The following TENM3 variants were observed in gnomAD, a reference collection of about 807,000 sequenced individuals.
TENM3 encodes the protein teneurin-3.
In TENM3, 63 loss-of-function variants were observed where a neutral mutation model predicts 255.1. The observed-to-expected ratio is 0.25, with a 90% CI of 0.20 to 0.30. The LOEUF (loss-of-function observed/expected upper bound fraction) is 0.30, where lower values mean the gene tolerates loss of function less well. Ranked by LOEUF, TENM3 falls within the 10% of genes least tolerant of loss-of-function variation. TENM3 has a pLI of 1.00. For synonymous variants in TENM3, 1,306 were observed against 1,322.3 expected (o/e 0.99, Z 0.27); for missense variants, 2,929 against 3,461.1 (o/e 0.85, Z 3.86).
the TENM3 span, among the ~76,000 whole-genome samples, chr4:181,876,646 T>G: frequency 6.6e-6 from 1 of 152,296 alleles, no homozygotes; most frequent in East Asian, 1.9e-4. Context: ...GTGTTCTGAT[T>G]GTATATTATC....
intron 1 of TENM3, among the ~76,000 whole-genome samples, chr4:182,166,650 G>A (rs979966686): frequency 6.6e-6 from 1 of 151,722 alleles, no homozygotes; most frequent in Non-Finnish European, 1.5e-5. Context: ...TTTTTCTTTT[G>A]TGACAGAGTC....
intron 12 of TENM3, among the ~76,000 whole-genome samples, chr4:182,697,638 T>C (rs1194793663): frequency 6.6e-6 from 1 of 152,114 alleles, no homozygotes; most frequent in Non-Finnish European, 1.5e-5. Flanking sequence ...CTGATTTCGG[T>C]GTCTGTTTCT....
the TENM3 span, among the ~76,000 whole-genome samples, chr4:181,664,167 G>A: frequency 6.6e-6 from 1 of 152,110 alleles, no homozygotes; most frequent in Non-Finnish European, 1.5e-5. Flanking sequence ...TGTTAAAGGG[G>A]ATAAGAATGG....
chr4:182,090,669 C>T, the TENM3 span, among the ~76,000 whole-genome samples: 1 of 152,132 alleles, frequency 6.6e-6, no homozygotes, highest in Non-Finnish European at 1.5e-5. Flanking sequence ...CAGAGAATGA[C>T]ATTTCCCATT....
intron 2 of TENM3, among the ~76,000 whole-genome samples, chr4:182,334,748 G>A (rs1018439380): frequency 5.9e-5 from 9 of 152,068 alleles, no homozygotes; most frequent in African/African-American, 2.2e-4. Flanking sequence ...CCATCTGGAA[G>A]AATATAAAAT....
At chr4:181,894,906 G>A in the TENM3 span, among the ~76,000 whole-genome samples, 1 of 152,100 alleles carries the variant, frequency 6.6e-6, no homozygotes, top group African/African-American at 2.4e-5. Context: ...CGGGGCTGAT[G>A]TTTATAAACA....
At chr4:182,077,715 G>T in the TENM3 span, among the ~76,000 whole-genome samples, 2 of 152,186 alleles carry the variant, frequency 1.3e-5, no homozygotes, top group Admixed American at 1.3e-4. Flanking sequence ...AGAGGTTCCT[G>T]CCTTGGTGGA....
intron 3 of TENM3, among the ~76,000 whole-genome samples, chr4:182,456,023 G>A (rs1234075734): frequency 2.6e-5 from 4 of 152,078 alleles, no homozygotes; most frequent in Non-Finnish European, 5.9e-5. Context: ...TGTCTCATTC[G>A]TCCTTACATA....
intron 6 of TENM3, among the ~76,000 whole-genome samples, chr4:182,661,674 G>A (rs1479220337): frequency 6.6e-6 from 1 of 152,136 alleles, no homozygotes; most frequent in East Asian, 1.9e-4. Context: ...TGTTCTCTCA[G>A]AGATCTCAAA....
chr4:181,921,643 A>G, the TENM3 span, among the ~76,000 whole-genome samples: 2 of 152,144 alleles, frequency 1.3e-5, no homozygotes, highest in African/African-American at 2.4e-5. Flanking sequence ...GGCTGAGACA[A>G]TGGGGTTTTC....
chr4:182,198,905 A>G lies in TENM3; in HGVS notation c.-76+54151A>G, dbSNP rs114341985. 5.7e-3 allele frequency among the ~76,000 whole-genome samples: 874 copies of G among 152,348 alleles called. 11 individuals are homozygous for G. The highest frequency in any genetic ancestry group is 0.02 in the African/African-American group (834 of 41,588). On this transcript the variant is annotated intron_variant, in intron 1 of 2. Coordinates refer to the TENM3 transcript ENST00000512480. ...GAAAAGAGGATTGGGAGGCCTTCCC[A>G]TAGAAGAAGACAAAGTCAAATTATA...
chr4:181,476,207 T>TTTTTTG, the TENM3 span, among the ~76,000 whole-genome samples: 163 of 14,250 alleles, frequency 0.011, 1 homozygote, highest in Admixed American at 0.022. Flanking sequence ...ATTTTAGGGG[T>TTTTTTG]TTTTTTTTTT....
chr4:181,516,938 G>A, the TENM3 span, among the ~76,000 whole-genome samples: 85 of 152,216 alleles, frequency 5.6e-4, no homozygotes, highest in Admixed American at 1.6e-3. Flanking sequence ...CTTATCAAGT[G>A]ACAGAGTAGG....
At chr4:182,242,722 G>A (rs1379914855), upstream of TENM3, among the ~76,000 whole-genome samples, 2 of 152,102 alleles carry the variant, frequency 1.3e-5, no homozygotes, top group Non-Finnish European at 2.9e-5. Context: ...GATTGCGCCA[G>A]TGCACTCCAG....
the TENM3 span, among the ~76,000 whole-genome samples, chr4:181,613,063 C>A: frequency 6.6e-6 from 1 of 152,182 alleles, no homozygotes; most frequent in Non-Finnish European, 1.5e-5. Context: ...TAATGCCTAT[C>A]ATGCCGTTTG....
chr4:182,752,038 G>A lies in TENM3; in HGVS notation c.3862+6G>A, dbSNP rs1374765088. 22 of 1,510,894 alleles carry A rather than the reference G, an allele frequency of 1.5e-5. No individual in the cohort carries two copies. Among genetic ancestry groups the A allele is most frequent in the Admixed American group, 4.5e-5 (2 of 44,926 alleles). The allele number at this position is 1,510,894 out of a possible 1,614,324, so 93.6% of individuals were successfully genotyped here. A position where few individuals can be genotyped will look rare whatever the true frequency, so the allele number is the denominator to read the frequency against. On this transcript the variant is annotated splice_donor_region_variant and intron_variant, in intron 20 of 27. Transcript: ENST00000511685. ...CACACTCATGAGTCCCAAAGGTACC[G>A]GCAGTTGGCGATTTGAGGATTTCTT...
the TENM3 span, among the ~76,000 whole-genome samples, chr4:181,653,607 G>T: frequency 2.7e-4 from 41 of 151,716 alleles, no homozygotes; most frequent in African/African-American, 9.4e-4. Flanking sequence ...TACCGTGTTG[G>T]CCAGGATGCT....
chr4:182,465,476 G>A (rs769687649), intron 3 of TENM3, among the ~76,000 whole-genome samples: 3 of 152,134 alleles, frequency 2.0e-5, no homozygotes, highest in Admixed American at 1.3e-4. Flanking sequence ...CACCTTGAAC[G>A]TGGATTTCCA....
the TENM3 span, among the ~76,000 whole-genome samples, chr4:182,066,702 A>G: frequency 2.0e-5 from 3 of 151,600 alleles, no homozygotes; most frequent in Non-Finnish European, 2.9e-5. Flanking sequence ...CAAGGTCAGG[A>G]GATCGAGACC....
Sources: allele counts gnomAD v4.1 joint callset (sites outside exome capture counted in the v4.1 genomes callset), GRCh38; gene constraint gnomAD v4.1.1; transcripts MANE v1.5; gene names NCBI Gene and HGNC (gene_info 2026-07-23, HGNC 2026-07-21).